KCTD8: variants seen among roughly 807,000 people sequenced by gnomAD.
The protein encoded by KCTD8 is BTB/POZ domain-containing protein KCTD8.
In KCTD8, 27 loss-of-function variants were observed where a neutral mutation model predicts 31.5. The observed-to-expected ratio is 0.86, with a 90% CI of 0.63 to 1.18. KCTD8 has a LOEUF of 1.18. KCTD8 is among the 50% of genes most tolerant of loss of function. The probability of loss-of-function intolerance (pLI) is 0.00; values close to 1 mark genes in which losing one functional copy is unlikely to be tolerated. For missense variants in KCTD8, 658 were observed against 647.7 expected, an observed-to-expected ratio of 1.02 and a Z score of -0.17; for synonymous variants, 290 against 280.0, an observed-to-expected ratio of 1.04 and a Z score of -0.36.
chr4:44,328,272 C>G (rs1197182255), intron 1 of KCTD8, among the ~76,000 whole-genome samples: 1 of 151,856 alleles, frequency 6.6e-6, no homozygotes, highest in Non-Finnish European at 1.5e-5. Flanking sequence ...GAAAGCAAAC[C>G]AAATCATTGG....
intron 1 of KCTD8, among the ~76,000 whole-genome samples, chr4:44,429,442 G>A (rs752513633): frequency 1.3e-5 from 2 of 151,712 alleles, no homozygotes; most frequent in African/African-American, 4.8e-5. Flanking sequence ...TGGATTTAAG[G>A]GCATAGATAG....
intron 1 of KCTD8, among the ~76,000 whole-genome samples, chr4:44,256,231 G>A (rs1473839752): frequency 6.6e-6 from 1 of 151,882 alleles, no homozygotes; most frequent in East Asian, 1.9e-4. Flanking sequence ...AGATTTAGGT[G>A]GGGACGCAGC....
At chr4:44,280,177 G>A (rs1166689045) in intron 1 of KCTD8, among the ~76,000 whole-genome samples, 3 of 151,974 alleles carry the variant, frequency 2.0e-5, no homozygotes, top group African/African-American at 7.2e-5. Flanking sequence ...AAATTACAAA[G>A]AGCATGCCAA....
chr4:44,351,006 A>G (rs968266192), intron 1 of KCTD8, among the ~76,000 whole-genome samples: 1 of 152,048 alleles, frequency 6.6e-6, no homozygotes, highest in Non-Finnish European at 1.5e-5. Context: ...TCAATATGTC[A>G]ATTTTATTCA....
At chr4:44,265,174 G>A (rs1346003477) in intron 1 of KCTD8, among the ~76,000 whole-genome samples, 2 of 152,078 alleles carry the variant, frequency 1.3e-5, no homozygotes, top group Non-Finnish European at 2.9e-5. Context: ...TCACACGGCC[G>A]GGTACTCCTC....
At chr4:44,291,054 T>G (rs1717258386) in intron 1 of KCTD8, among the ~76,000 whole-genome samples, 1 of 151,944 alleles carries the variant, frequency 6.6e-6, no homozygotes, top group Non-Finnish European at 1.5e-5. Context: ...GACAAAATTA[T>G]TAGACCATTA....
chr4:44,238,830 T>C lies in KCTD8; in HGVS notation c.962-63580A>G, dbSNP rs73181666. On this transcript the variant is annotated intron_variant, in intron 1 of 1. Coordinates refer to ENST00000360029, the MANE Select transcript of KCTD8 (RefSeq NM_198353.3). ...CACAGGAATTAACATAGTAGCATTA[T>C]TATATTTTACTTTAACTATCAAGAT... 2.0e-3 allele frequency among the ~76,000 whole-genome samples: 309 copies of C among 152,324 alleles called. 1 individual carries two copies. Among genetic ancestry groups the C allele is most frequent in the African/African-American group, 6.8e-3 (281 of 41,590 alleles).
At chr4:44,431,375 T>C (rs1482383631) in intron 1 of KCTD8, among the ~76,000 whole-genome samples, 1 of 151,568 alleles carries the variant, frequency 6.6e-6, no homozygotes, top group African/African-American at 2.4e-5. Context: ...TTTGCTATTA[T>C]CTTCGGGATA....
intron 1 of KCTD8, among the ~76,000 whole-genome samples, chr4:44,201,070 A>G (rs1327132897): frequency 6.6e-6 from 1 of 152,120 alleles, no homozygotes. Flanking sequence ...AGCCACAAAG[A>G]AAATGAAAAA....
At chr4:44,230,990 C>A (rs548280345) in intron 1 of KCTD8, among the ~76,000 whole-genome samples, 1 of 152,130 alleles carries the variant, frequency 6.6e-6, no homozygotes, top group Admixed American at 6.6e-5. Flanking sequence ...AAATCGATTT[C>A]GCTGGCAAAT....
At chr4:44,282,315 T>A (rs1183682295) in intron 1 of KCTD8, among the ~76,000 whole-genome samples, 1 of 152,156 alleles carries the variant, frequency 6.6e-6, no homozygotes, top group Admixed American at 6.6e-5. Flanking sequence ...TCAGTGACCT[T>A]TGATGTTACT....
At chr4:44,439,900 T>TTTA (rs1721773605) in intron 1 of KCTD8, among the ~76,000 whole-genome samples, 25 of 133,434 alleles carry the variant, frequency 1.9e-4, no homozygotes, top group Non-Finnish European at 2.8e-4. Context: ...AATCATTTAT[T>TTTA]TTTATTTATT....
rs549858231 is a variant in KCTD8 at position 44,445,672 on chromosome 4, C to A, written c.961+1891G>T. On this transcript the variant is annotated intron_variant, in intron 1 of 1. Coordinates refer to ENST00000360029, the MANE Select transcript of KCTD8 (RefSeq NM_198353.3). ...ATCTTTCTAGAGGAATAAGAAAAAC[C>A]AAAACCAAGTAAGATTTTCAAAATT... Among the ~76,000 whole-genome samples the A allele has an allele frequency of 4.0e-4, 61 of 152,082 alleles. No homozygotes were observed. The Middle Eastern group carries it at 0.014, about 34-fold the overall frequency.
At chr4:44,260,641 G>C (rs956971805) in intron 1 of KCTD8, among the ~76,000 whole-genome samples, 1 of 151,836 alleles carries the variant, frequency 6.6e-6, no homozygotes, top group African/African-American at 2.4e-5. Context: ...CAACCCCAAA[G>C]AGCAAAGAGC....
chr4:44,352,087 T>C (rs1239199659), intron 1 of KCTD8, among the ~76,000 whole-genome samples: 1 of 152,150 alleles, frequency 6.6e-6, no homozygotes, highest in East Asian at 1.9e-4. Context: ...TCATTCCATG[T>C]ACCCTAAAGC....
intron 1 of KCTD8, among the ~76,000 whole-genome samples, chr4:44,219,623 T>C (rs879719183): frequency 1.3e-5 from 2 of 152,306 alleles, no homozygotes; most frequent in South Asian, 2.1e-4. Context: ...CTACCCTTAG[T>C]TGTAGAGGAA....
chr4:44,282,262 C>T (rs1263062460), intron 1 of KCTD8, among the ~76,000 whole-genome samples: 1 of 151,976 alleles, frequency 6.6e-6, no homozygotes, highest in East Asian at 1.9e-4. Context: ...CACATTATTC[C>T]AAATGTTCTT....
At position 44,447,589 on chromosome 4, in the gene KCTD8, C is replaced by A; in HGVS notation, c.935G>T (p.Ser312Ile). The change falls in exon 1 of 2, where the codon AGC (serine) becomes ATC (isoleucine). Residue 312 changes from serine (S) to isoleucine (I), a missense_variant. Ser to Ile is a moderately radical substitution (Grantham distance 142). Coordinates refer to ENST00000360029, the MANE Select transcript of KCTD8 (RefSeq NM_198353.3). ...VNQYRDDKIWSSYTEYIFFRP... is the reference protein window; with the variant it reads ...VNQYRDDKIWISYTEYIFFRP... ...GAAGAAAATGTACTCGGTGTAGCTGCTCCAGATCTTGTCGTCGCGGTACTG... is the reference window on the plus strand; with the variant it reads ...GAAGAAAATGTACTCGGTGTAGCTGATCCAGATCTTGTCGTCGCGGTACTG... 1 of 1,598,438 alleles carries A rather than the reference C, an allele frequency of 6.3e-7. No homozygotes were observed. Among genetic ancestry groups the A allele is most frequent in the Non-Finnish European group, 8.5e-7 (1 of 1,172,220 alleles).
At chr4:44,188,752 T>C (rs75653337) in intron 1 of KCTD8, among the ~76,000 whole-genome samples, 2,699 of 152,244 alleles carry the variant, frequency 0.018, 73 homozygotes, top group African/African-American at 0.061. Context: ...AATGTGTCCA[T>C]GGAATCAGAG....
Sources: gnomAD v4.1 joint callset for allele counts (sites outside exome capture counted in the v4.1 genomes callset) on GRCh38, gnomAD v4.1.1 for gene constraint, MANE v1.5 for transcripts, NCBI Gene and HGNC (gene_info 2026-07-23, HGNC 2026-07-21) for gene names.